The following DCAF8L2 variants were observed in gnomAD, a reference collection of about 807,000 sequenced individuals.
The protein encoded by DCAF8L2 is DDB1 and CUL4 associated factor 8 like 2.
For missense variants in DCAF8L2, 430 were observed against 490.7 expected (o/e 0.88, Z 1.17); for synonymous variants, 200 against 190.9 (o/e 1.05, Z -0.39).
the DCAF8L2 span, among the ~76,000 whole-genome samples, chrX:27,583,567 G>A: frequency 1.8e-5 from 2 of 111,355 alleles, no homozygotes; most frequent in Non-Finnish European, 3.8e-5. Context: ...CCCGGGCCAT[G>A]GACTGTTACC....
chrX:27,552,241 G>A, the DCAF8L2 span, among the ~76,000 whole-genome samples: 1 of 111,353 alleles, frequency 9.0e-6, no homozygotes. Flanking sequence ...TTCCCATTCT[G>A]TAGGTTGTCT....
chrX:27,724,626 A>G (rs1482814935), intron 4 of DCAF8L2, among the ~76,000 whole-genome samples: 1 of 111,601 alleles, frequency 9.0e-6, no homozygotes, highest in Non-Finnish European at 1.9e-5. Flanking sequence ...TTATCAGGCA[A>G]CAGAAAAGAA....
chrX:27,587,089 A>T (rs930160216), upstream of DCAF8L2, among the ~76,000 whole-genome samples: 6 of 111,352 alleles, frequency 5.4e-5, no homozygotes, highest in Non-Finnish European at 1.1e-4. Flanking sequence ...TAAACTTTTT[A>T]AAATGTCTTG....
Position 27,747,563 on chromosome X carries a change from G to T in DCAF8L2, c.668G>T (p.Arg223Leu), listed in dbSNP as rs779233435. 2 of 1,188,995 alleles carry T rather than the reference G, an allele frequency of 1.7e-6. No homozygotes were observed. Among genetic ancestry groups the T allele is most frequent in the Non-Finnish European group, 2.3e-6 (2 of 883,635 alleles). Residue 223 changes from arginine to leucine, a missense_variant, in exon 5 of 5, where the codon CGT becomes CTT. Transcript: ENST00000451261. ...AFVQRFRLQY[R>L]LADHVGCVNT... ...GTGCAGCGTTTCCGCCTGCAATATC[G>T]TCTTGCAGACCATGTCGGCTGTGTC...
At chrX:27,711,525 A>G (rs1931534860) in intron 3 of DCAF8L2, among the ~76,000 whole-genome samples, 1 of 109,056 alleles carries the variant, frequency 9.2e-6, no homozygotes, top group South Asian at 3.9e-4. Context: ...GAGATGATGG[A>G]TATGCTAATT....
intron 1 of DCAF8L2, among the ~76,000 whole-genome samples, chrX:27,609,794 C>G (rs749063650): frequency 1.8e-5 from 2 of 112,029 alleles, no homozygotes; most frequent in East Asian, 5.6e-4. Context: ...CCCAAATCAT[C>G]TTAAAATAAT....
chrX:27,640,938 A>G (rs1020763792), intron 2 of DCAF8L2, among the ~76,000 whole-genome samples: 3 of 111,920 alleles, frequency 2.7e-5, no homozygotes, highest in Non-Finnish European at 5.6e-5. Context: ...GAGATGACTT[A>G]TAACAGTCTG....
the DCAF8L2 span, among the ~76,000 whole-genome samples, chrX:27,476,658 T>C: frequency 9.0e-6 from 1 of 111,715 alleles, no homozygotes; most frequent in Non-Finnish European, 1.9e-5. Context: ...GGAAGGACTT[T>C]AGAAATGATG....
At chrX:27,498,932 ATG>A in the DCAF8L2 span, among the ~76,000 whole-genome samples, 2 of 111,572 alleles carry the variant, frequency 1.8e-5, no homozygotes, top group African/African-American at 3.3e-5. Flanking sequence ...TACACTATAT[ATG>A]TGTGTGTGTG....
At chrX:27,667,845 A>G (rs1005639521) in intron 2 of DCAF8L2, among the ~76,000 whole-genome samples, 6 of 112,270 alleles carry the variant, frequency 5.3e-5, no homozygotes, top group African/African-American at 1.9e-4. Flanking sequence ...ATTTCACTTC[A>G]AATATTGCTA....
chrX:27,694,618 T>A (rs1426796950), intron 3 of DCAF8L2, among the ~76,000 whole-genome samples: 1 of 111,350 alleles, frequency 9.0e-6, no homozygotes, highest in Non-Finnish European at 1.9e-5. Context: ...ACATTGAAAG[T>A]TCAATTATTT....
At chrX:27,701,518 G>T (rs762849284) in intron 3 of DCAF8L2, among the ~76,000 whole-genome samples, 1 of 110,589 alleles carries the variant, frequency 9.0e-6, no homozygotes, top group South Asian at 3.8e-4. Context: ...TAAAATATAT[G>T]ATCTCTTACT....
At chrX:27,736,818 T>C (rs1921548266) in intron 4 of DCAF8L2, among the ~76,000 whole-genome samples, 1 of 109,052 alleles carries the variant, frequency 9.2e-6, no homozygotes, top group African/African-American at 3.5e-5. Flanking sequence ...GGGTCAAAAT[T>C]ATTTTATGGT....
At chrX:27,653,638 C>T (rs1162332260) in intron 2 of DCAF8L2, among the ~76,000 whole-genome samples, 1 of 109,333 alleles carries the variant, frequency 9.1e-6, no homozygotes, top group Non-Finnish European at 1.9e-5. Flanking sequence ...CTAGCCTCAA[C>T]TCAATCCAGC....
the DCAF8L2 span, among the ~76,000 whole-genome samples, chrX:27,492,058 T>C: frequency 8.9e-6 from 1 of 112,491 alleles, no homozygotes; most frequent in African/African-American, 3.2e-5. Context: ...TGGGCCTGTT[T>C]CCAGGCACTC....
At chrX:27,502,567 A>T in the DCAF8L2 span, among the ~76,000 whole-genome samples, 1 of 106,480 alleles carries the variant, frequency 9.4e-6, no homozygotes, top group Non-Finnish European at 1.9e-5. Flanking sequence ...CAATTTGCTG[A>T]TGGCTTATAA....
chrX:27,741,678 A>G (rs911271238), intron 4 of DCAF8L2, among the ~76,000 whole-genome samples: 1 of 111,792 alleles, frequency 8.9e-6, no homozygotes, highest in Non-Finnish European at 1.9e-5. Context: ...AGTGAGAAGG[A>G]TGAAGATGGC....
At chrX:27,715,871 T>A (rs188886648) in intron 3 of DCAF8L2, among the ~76,000 whole-genome samples, 1 of 112,247 alleles carries the variant, frequency 8.9e-6, no homozygotes, top group East Asian at 2.8e-4. Flanking sequence ...TTCTTCAGAA[T>A]GGATATAAAT....
the DCAF8L2 span, among the ~76,000 whole-genome samples, chrX:27,541,431 G>A: frequency 2.8e-5 from 3 of 106,250 alleles, no homozygotes; most frequent in Admixed American, 2.1e-4. Context: ...GTGCAATGGC[G>A]CGATCTCAGC....
Sources: gnomAD v4.1 joint callset for allele counts (sites outside exome capture counted in the v4.1 genomes callset) on GRCh38, gnomAD v4.1.1 for gene constraint, MANE v1.5 for transcripts, NCBI Gene and HGNC (gene_info 2026-07-23, HGNC 2026-07-21) for gene names.